Variants in SAFB2 observed in about 807,000 individuals in gnomAD.
The protein encoded by SAFB2 is scaffold attachment factor B2.
In SAFB2, 32 loss-of-function variants were observed where a neutral mutation model predicts 100.6. The observed-to-expected ratio is 0.32, with a 90% CI of 0.24 to 0.43. The LOEUF (loss-of-function observed/expected upper bound fraction) is 0.43, where lower values mean the gene tolerates loss of function less well. Ranked by LOEUF, SAFB2 falls within the 20% of genes least tolerant of loss-of-function variation. SAFB2 has a pLI of 1.00. For synonymous variants in SAFB2, 500 were observed against 439.4 expected, an observed-to-expected ratio of 1.14 and a Z score of -1.72; for missense variants, 1,185 against 1,163.4, an observed-to-expected ratio of 1.02 and a Z score of -0.27.
At chr19:5,597,569 C>A (rs996798436) in intron 13 of SAFB2, among the ~76,000 whole-genome samples, 1 of 152,130 alleles carries the variant, frequency 6.6e-6, no homozygotes, top group African/African-American at 2.4e-5. Context: ...CCATGGCAGG[C>A]ACAGGGGACG....
intron 1 of SAFB2, 77 bp downstream of exon 1, chr19:5,622,453 C>G: frequency 1.4e-6 from 2 of 1,393,850 alleles, no homozygotes; most frequent in Non-Finnish European, 1.9e-6. Context: ...GCCCCGGGTC[C>G]GGGAGCCGCG....
intron 5 of SAFB2, 108 bp downstream of exon 5, chr19:5,613,357 C>T: frequency 1.0e-6 from 1 of 1,000,098 alleles, no homozygotes; most frequent in Non-Finnish European, 1.5e-6. Context: ...CCCCAGCATC[C>T]AGCACAGTAT....
At chr19:5,612,073 G>C in intron 6 of SAFB2, 1 of 333,582 alleles carries the variant, frequency 3.0e-6, no homozygotes, top group Non-Finnish European at 5.7e-6. Context: ...GGAGATAAAC[G>C]CAGTCCGGAA....
chr19:5,604,990 TA>T, intron 9 of SAFB2, 54 bp from the exon 10 acceptor site: 3 of 1,575,758 alleles, frequency 1.9e-6, no homozygotes, highest in Non-Finnish European at 2.6e-6. Flanking sequence ...CACAACTTGC[TA>T]AAGTTATTAC....
intron 18 of SAFB2, 130 bp downstream of exon 18, chr19:5,590,148 C>A: frequency 1.3e-6 from 1 of 799,702 alleles, no homozygotes. Flanking sequence ...TTTCAAATGG[C>A]AGGACCCCTG....
intron 2 of SAFB2, among the ~76,000 whole-genome samples, chr19:5,620,697 T>A (rs145819645): frequency 1.3e-5 from 2 of 152,238 alleles, no homozygotes; most frequent in East Asian, 1.9e-4. Flanking sequence ...TAACTTCTAA[T>A]GAGGACCGGG....
chr19:5,616,653 T>C (rs998893821), intron 2 of SAFB2, among the ~76,000 whole-genome samples, 167 bp from the exon 3 acceptor site: 5 of 132,628 alleles, frequency 3.8e-5, no homozygotes, highest in African/African-American at 8.8e-5. Context: ...CTTTTTTTTT[T>C]TTTTTTTTTT....
At chr19:5,591,697 C>A (rs1407720959) in intron 17 of SAFB2, 51 bp downstream of exon 17, 2 of 1,573,214 alleles carry the variant, frequency 1.3e-6, no homozygotes, top group Non-Finnish European at 1.7e-6. Context: ...GTCCGCTATG[C>A]CTGCACAGCA....
Position 5,618,232 on chromosome 19 carries a change from GGC to G in SAFB2, c.275-1748_275-1747del, listed in dbSNP as rs565105750. ...AGAAAAACAGCCGGACGTGGTGGCG[GGC>G]GCCTGTAGTCTCAGCTACTCGGGAG... On this transcript the variant is annotated intron_variant, in intron 2 of 20. Transcript: ENST00000252542. Among the ~76,000 whole-genome samples, 508 of 152,246 alleles carry G rather than the reference GGC, an allele frequency of 3.3e-3. 4 individuals are homozygous for G. The highest frequency in any genetic ancestry group is 0.012 in the African/African-American group (497 of 41,540).
chr19:5,614,237 G>C (rs1479068848), intron 4 of SAFB2, among the ~76,000 whole-genome samples: 1 of 152,114 alleles, frequency 6.6e-6, no homozygotes, highest in African/African-American at 2.4e-5. Context: ...ACAGGTGTGA[G>C]CCACCGCGCC....
At chr19:5,598,600 C>G in intron 13 of SAFB2, 193 bp downstream of exon 13, 1 of 593,120 alleles carries the variant, frequency 1.7e-6, no homozygotes. Context: ...GAAGCAAACA[C>G]GGATGGGCAC....
intron 15 of SAFB2, 117 bp downstream of exon 15, chr19:5,593,774 T>C: frequency 1.8e-6 from 2 of 1,136,716 alleles, no homozygotes; most frequent in Non-Finnish European, 2.3e-6. Context: ...GCATGCTCCA[T>C]ATCAAATTTC....
chr19:5,595,797 C>T (rs747893333), intron 13 of SAFB2, among the ~76,000 whole-genome samples: 6 of 152,256 alleles, frequency 3.9e-5, no homozygotes, highest in Admixed American at 1.3e-4. Flanking sequence ...CAAGGACTCA[C>T]ATAATCCAAA....
rs776704538 is a variant in SAFB2 at position 5,600,224 on chromosome 19, C to A, written c.1596G>T (p.Lys532Asn). Reference sequence around the variant, plus strand: ...TAATGTCTTCAGGCTTTTTTTCCTCCTTCTTCTCAATCTTCTCTTCCTTCT... The same window carrying A: ...TAATGTCTTCAGGCTTTTTTTCCTCATTCTTCTCAATCTTCTCTTCCTTCT... ...VIKKEEKIEK[K>N]EEKKPEDIKK... The change falls in exon 12 of 21, where the codon AAG becomes AAT. Residue 532 changes from lysine to asparagine, a missense_variant. Lys to Asn is a moderately conservative substitution (Grantham distance 94). Coordinates refer to ENST00000252542, the MANE Select transcript of SAFB2 (RefSeq NM_014649.3). The A allele has an allele frequency of 5.6e-6, 9 of 1,612,298 alleles. No homozygotes were observed. The highest frequency in any genetic ancestry group is 7.6e-6 in the Non-Finnish European group (9 of 1,179,196).
intron 9 of SAFB2, among the ~76,000 whole-genome samples, chr19:5,606,447 G>A (rs1389844971): frequency 4.6e-5 from 7 of 152,164 alleles, no homozygotes. Flanking sequence ...GCAACACAGA[G>A]AAACCACATC....
intron 13 of SAFB2, among the ~76,000 whole-genome samples, chr19:5,596,394 T>C (rs2052537053): frequency 6.6e-6 from 1 of 152,350 alleles, no homozygotes; most frequent in East Asian, 1.9e-4. Flanking sequence ...AGTCTTGTTC[T>C]GTTGTCCAGC....
rs1347504243 is a variant in SAFB2 at position 5,611,471 on chromosome 19, G to A, written c.794C>T (p.Pro265Leu). ...GGCCAAATCTAAATCACCCTCTTCCGGATGGGCGCTGTCAAATAGGTCCTC... is the reference window on the plus strand; with the variant it reads ...GGCCAAATCTAAATCACCCTCTTCCAGATGGGCGCTGTCAAATAGGTCCTC... ...EEEDLFDSAH[P>L]EEGDLDLASE... Residue 265 changes from proline (P) to leucine (L), a missense_variant, in exon 7 of 21, where the codon CCG becomes CTG. Transcript: ENST00000252542. 5.3e-5 allele frequency: 21 copies of A among 399,148 alleles called. No homozygotes were observed. The highest frequency in any genetic ancestry group is 2.2e-4 in the African/African-American group (3 of 13,662). The allele number at this position is 399,148 out of a possible 1,614,324, so 24.7% of individuals were successfully genotyped here.
chr19:5,602,131 T>A (rs997675656), intron 11 of SAFB2, among the ~76,000 whole-genome samples: 4 of 152,136 alleles, frequency 2.6e-5, no homozygotes, highest in Non-Finnish European at 4.4e-5. Context: ...TCAAAACAAA[T>A]TTTTAAATGC....
At chr19:5,607,388 C>T (rs191365414) in intron 9 of SAFB2, among the ~76,000 whole-genome samples, 21 of 152,080 alleles carry the variant, frequency 1.4e-4, no homozygotes, top group Admixed American at 1.2e-3. Context: ...AACCGTATGA[C>T]AATAACATCA....
Sources: allele counts gnomAD v4.1 joint callset (sites outside exome capture counted in the v4.1 genomes callset), GRCh38; gene constraint gnomAD v4.1.1; transcripts MANE v1.5; gene names NCBI Gene and HGNC (gene_info 2026-07-23, HGNC 2026-07-21).